The following APP variants were observed in gnomAD, a reference collection of about 807,000 sequenced individuals.
The protein encoded by APP is amyloid-beta precursor protein.
In APP, 31 loss-of-function variants were observed where a neutral mutation model predicts 101.4. The ratio of observed to expected loss-of-function variants is 0.31; its 90% CI spans 0.23 to 0.41. APP has a LOEUF of 0.41. Among genes scored for constraint, APP ranks in the 10% least tolerant of loss-of-function variants. The pLI is 1.00. For missense variants in APP, 839 were observed against 1,003.7 expected, an observed-to-expected ratio of 0.84 and a Z score of 2.22; for synonymous variants, 366 against 364.4, an observed-to-expected ratio of 1.00 and a Z score of -0.05.
At chr21:25,951,762 A>T (rs1035078975) in intron 13 of APP, among the ~76,000 whole-genome samples, 18 of 152,236 alleles carry the variant, frequency 1.2e-4, no homozygotes, top group African/African-American at 3.9e-4. Flanking sequence ...TTTTAAACAC[A>T]TACAAAAGTA....
intron 9 of APP, among the ~76,000 whole-genome samples, chr21:25,977,109 T>C (rs1215035090): frequency 6.6e-6 from 1 of 152,256 alleles, no homozygotes; most frequent in Non-Finnish European, 1.5e-5. Context: ...CAGGTGAATG[T>C]GTTTTGTAGG....
intron 1 of APP, among the ~76,000 whole-genome samples, chr21:26,128,184 C>T (rs897142113): frequency 4.6e-5 from 7 of 152,196 alleles, no homozygotes; most frequent in Non-Finnish European, 8.8e-5. Flanking sequence ...ACACGTGTGT[C>T]GTCAACCCCA....
At chr21:26,062,773 ATTTTTTT>A (rs1034334403) in intron 3 of APP, among the ~76,000 whole-genome samples, 19 of 151,732 alleles carry the variant, frequency 1.3e-4, no homozygotes, top group Non-Finnish European at 2.6e-4. Flanking sequence ...TTTATTTTTT[ATTTTTTT>A]AAGAAAGAGT....
chr21:25,992,297 G>A (rs2042897971), intron 8 of APP, among the ~76,000 whole-genome samples: 1 of 151,720 alleles, frequency 6.6e-6, no homozygotes, highest in African/African-American at 2.4e-5. Flanking sequence ...CTGAGACAGG[G>A]GGATCTCTTG....
intron 13 of APP, among the ~76,000 whole-genome samples, chr21:25,950,000 C>T (rs2040993390): frequency 6.6e-6 from 1 of 152,168 alleles, no homozygotes; most frequent in South Asian, 2.1e-4. Flanking sequence ...CTTCACTAGC[C>T]CATATGCTGC....
rs539140161 is a variant in APP, at chr21:26,111,185, AT to A, written c.225+793del. 2.1e-3 allele frequency among the ~76,000 whole-genome samples: 316 copies of A among 152,236 alleles called. 1 individual carries two copies. The highest frequency in any genetic ancestry group is 7.2e-3 in the African/African-American group (300 of 41,558). ...ATATGTATTTTCTTTTGCCAAAAAA[AT>A]AAATCAGGAACAATGAAAATGTTTA... On this transcript the variant is annotated intron_variant, in intron 2 of 17. Coordinates refer to ENST00000346798, the MANE Select transcript of APP (RefSeq NM_000484.4).
chr21:26,145,784 ACT>A (rs1262276462), intron 1 of APP, among the ~76,000 whole-genome samples: 1 of 152,192 alleles, frequency 6.6e-6, no homozygotes, highest in Admixed American at 6.5e-5. Flanking sequence ...TATATAAATT[ACT>A]GTTTAATCTG....
chr21:25,935,779 G>A (rs2040334020), intron 13 of APP, among the ~76,000 whole-genome samples: 1 of 139,210 alleles, frequency 7.2e-6, no homozygotes, highest in Non-Finnish European at 1.5e-5. Flanking sequence ...GGCGGAGGCT[G>A]TAGTGAGCCG....
At chr21:25,895,467 A>G (rs981428137) in intron 16 of APP, among the ~76,000 whole-genome samples, 3 of 152,198 alleles carry the variant, frequency 2.0e-5, no homozygotes, top group Non-Finnish European at 2.9e-5. Context: ...CCTGGCCAAC[A>G]TAACTTTTAT....
intron 8 of APP, among the ~76,000 whole-genome samples, chr21:25,991,570 G>A (rs1168288463): frequency 2.0e-5 from 3 of 152,268 alleles, no homozygotes; most frequent in Non-Finnish European, 4.4e-5. Context: ...CAGAGATGGG[G>A]TTTCGCCATG....
chr21:25,915,166 C>T (rs1178591540), intron 13 of APP, among the ~76,000 whole-genome samples: 1 of 152,200 alleles, frequency 6.6e-6, no homozygotes, highest in Non-Finnish European at 1.5e-5. Flanking sequence ...TACACCACAC[C>T]TCTCTCTCAG....
At chr21:26,057,470 A>AC (rs201180068) in intron 3 of APP, among the ~76,000 whole-genome samples, 7,397 of 137,166 alleles carry the variant, frequency 0.054, 245 homozygotes, top group South Asian at 0.1. Context: ...CGCATGTCAC[A>AC]CACCACACAC....
intron 6 of APP, among the ~76,000 whole-genome samples, chr21:26,002,981 T>C (rs1401482948): frequency 6.6e-6 from 1 of 152,212 alleles, no homozygotes; most frequent in Non-Finnish European, 1.5e-5. Context: ...TCATGATAAC[T>C]ATGTGCCCTT....
chr21:25,887,753 T>C (rs1023433234), intron 17 of APP, among the ~76,000 whole-genome samples: 3 of 152,134 alleles, frequency 2.0e-5, no homozygotes, highest in Non-Finnish European at 2.9e-5. Context: ...AGTGCAGCAA[T>C]ATGCTGCACA....
chr21:26,154,993 T>A (rs1378755193), intron 1 of APP, among the ~76,000 whole-genome samples: 1 of 152,234 alleles, frequency 6.6e-6, no homozygotes. Flanking sequence ...GGCTCACAAC[T>A]GTAATCCCGG....
intron 2 of APP, among the ~76,000 whole-genome samples, chr21:26,103,333 G>A (rs2062105330): frequency 6.6e-6 from 1 of 152,192 alleles, no homozygotes; most frequent in Admixed American, 6.5e-5. Flanking sequence ...GGAAGGCTGG[G>A]TGCAGTGGCT....
intron 8 of APP, among the ~76,000 whole-genome samples, chr21:25,987,008 G>T (rs75815929): frequency 1.3e-5 from 2 of 152,342 alleles, no homozygotes; most frequent in South Asian, 2.1e-4. Context: ...CTAATTTTTA[G>T]AGTAGTAAAG....
At chr21:25,899,703 C>G (rs1044956846) in intron 15 of APP, among the ~76,000 whole-genome samples, 2 of 152,212 alleles carry the variant, frequency 1.3e-5, no homozygotes, top group South Asian at 4.1e-4. Context: ...CAGAACCATC[C>G]AGCTAAACCA....
intron 2 of APP, among the ~76,000 whole-genome samples, chr21:26,103,729 G>A (rs970684739): frequency 2.6e-5 from 4 of 152,308 alleles, no homozygotes; most frequent in South Asian, 2.1e-4. Context: ...GCCCATTACC[G>A]CTCCAATCTC....
Sources: gnomAD v4.1 joint callset for allele counts (sites outside exome capture counted in the v4.1 genomes callset) on GRCh38, gnomAD v4.1.1 for gene constraint, MANE v1.5 for transcripts, NCBI Gene and HGNC (gene_info 2026-07-23, HGNC 2026-07-21) for gene names.